Variants in PRR16 observed in about 807,000 individuals in gnomAD.
The protein encoded by PRR16 is protein Largen.
A neutral mutation model predicts 18.2 loss-of-function variants in PRR16; 6 were observed. The ratio of observed to expected loss-of-function variants is 0.33; its 90% confidence interval spans 0.18 to 0.65. The LOEUF (loss-of-function observed/expected upper bound fraction) is 0.65. Ranked by LOEUF, PRR16 falls within the 30% of genes least tolerant of loss-of-function variation. The pLI is 0.74. For missense variants in PRR16, 412 were observed against 376.6 expected (o/e 1.09, Z -0.78); for synonymous variants, 151 against 147.8 (o/e 1.02, Z -0.16).
chr5:120,783,320 A>G, the PRR16 span, among the ~76,000 whole-genome samples: 28 of 152,306 alleles, frequency 1.8e-4, no homozygotes, highest in African/African-American at 6.7e-4. Context: ...AATGAAGTGC[A>G]CCCATAAATG....
At chr5:120,744,402 G>T in the PRR16 span, among the ~76,000 whole-genome samples, 2 of 152,298 alleles carry the variant, frequency 1.3e-5, no homozygotes, top group African/African-American at 4.8e-5. Flanking sequence ...GTTGGAAGGG[G>T]ATTGGGGAAG....
the PRR16 span, among the ~76,000 whole-genome samples, chr5:120,723,020 A>T: frequency 6.6e-6 from 1 of 151,754 alleles, no homozygotes; most frequent in Admixed American, 6.6e-5. Flanking sequence ...AAATATTAAA[A>T]TTTTTTAATG....
intron 1 of PRR16, among the ~76,000 whole-genome samples, chr5:120,484,594 A>C (rs1749730260): frequency 6.8e-6 from 1 of 146,076 alleles, no homozygotes; most frequent in South Asian, 2.1e-4. Flanking sequence ...TATAGTATAT[A>C]ATATATAATA....
intron 1 of PRR16, among the ~76,000 whole-genome samples, chr5:120,564,158 C>T (rs1168993616): frequency 1.3e-5 from 2 of 152,156 alleles, no homozygotes; most frequent in Non-Finnish European, 2.9e-5. Flanking sequence ...CTTTGCTCTC[C>T]TCTTAAGCAG....
intron 1 of PRR16, among the ~76,000 whole-genome samples, chr5:120,534,189 T>A (rs1336830920): frequency 1.3e-5 from 2 of 152,168 alleles, no homozygotes; most frequent in Non-Finnish European, 2.9e-5. Context: ...CATTGGCAAA[T>A]GGATACTCTT....
At chr5:120,789,633 G>T in the PRR16 span, among the ~76,000 whole-genome samples, 4 of 151,980 alleles carry the variant, frequency 2.6e-5, no homozygotes, top group African/African-American at 7.2e-5. Context: ...ACTATTTTGA[G>T]AACTTATTAT....
chr5:120,705,856 A>G, the PRR16 span, among the ~76,000 whole-genome samples: 1 of 152,152 alleles, frequency 6.6e-6, no homozygotes. Context: ...TGTGGATAGA[A>G]AAAAAATTGT....
the PRR16 span, among the ~76,000 whole-genome samples, chr5:120,775,065 TA>T: frequency 1.3e-5 from 2 of 152,164 alleles, no homozygotes; most frequent in African/African-American, 4.8e-5. Context: ...CTTACTAAAA[TA>T]AAGTTTAAAG....
chr5:120,728,697 C>T, the PRR16 span, among the ~76,000 whole-genome samples: 2 of 152,156 alleles, frequency 1.3e-5, no homozygotes, highest in Admixed American at 6.6e-5. Flanking sequence ...AGCTGGATGG[C>T]GTGCTTTTCT....
chr5:120,558,903 A>C (rs1403031197), intron 1 of PRR16, among the ~76,000 whole-genome samples: 1 of 152,008 alleles, frequency 6.6e-6, no homozygotes, highest in Non-Finnish European at 1.5e-5. Flanking sequence ...AGTGATGTTG[A>C]ACACCTTTTC....
At chr5:120,590,942 T>C (rs1753613907) in intron 1 of PRR16, among the ~76,000 whole-genome samples, 1 of 152,092 alleles carries the variant, frequency 6.6e-6, no homozygotes. Context: ...TTAGATTTGA[T>C]CTTATAGTAT....
the PRR16 span, among the ~76,000 whole-genome samples, chr5:120,703,094 T>C: frequency 1.3e-4 from 20 of 152,034 alleles, no homozygotes; most frequent in African/African-American, 4.8e-4. Flanking sequence ...GGCCATTTTA[T>C]AGGATTTGGG....
intron 1 of PRR16, among the ~76,000 whole-genome samples, chr5:120,544,025 C>T (rs1012860497): frequency 1.3e-5 from 2 of 152,132 alleles, no homozygotes; most frequent in African/African-American, 4.8e-5. Flanking sequence ...ATAATCTAGG[C>T]TAAATCATGG....
intron 1 of PRR16, among the ~76,000 whole-genome samples, chr5:120,573,903 G>GTATATA (rs5870899): frequency 6.7e-6 from 1 of 150,356 alleles, no homozygotes; most frequent in Non-Finnish European, 1.5e-5. Context: ...TGATATGTGT[G>GTATATA]TATATATATA....
chr5:120,659,428 C>T (rs1034199645), intron 1 of PRR16, among the ~76,000 whole-genome samples: 3 of 151,736 alleles, frequency 2.0e-5, no homozygotes, highest in Non-Finnish European at 4.4e-5. Context: ...ATAGACCTAC[C>T]CACTGAATAT....
chr5:120,716,308 G>A, the PRR16 span, among the ~76,000 whole-genome samples: 8 of 152,018 alleles, frequency 5.3e-5, no homozygotes, highest in African/African-American at 1.4e-4. Context: ...CTTGTTCTTC[G>A]AATCAAGTGA....
chr5:120,771,769 C>T, the PRR16 span, among the ~76,000 whole-genome samples: 1 of 151,822 alleles, frequency 6.6e-6, no homozygotes, highest in East Asian at 1.9e-4. Context: ...AATCCTATGT[C>T]CAAGATATTT....
chr5:120,696,038 C>G, the PRR16 span, among the ~76,000 whole-genome samples: 1 of 151,812 alleles, frequency 6.6e-6, no homozygotes, highest in Non-Finnish European at 1.5e-5. Context: ...GTCAGGAGCT[C>G]GAGACCAGCC....
At chr5:120,717,657 A>G in the PRR16 span, among the ~76,000 whole-genome samples, 1 of 152,162 alleles carries the variant, frequency 6.6e-6, no homozygotes, top group African/African-American at 2.4e-5. Context: ...AAAAGGAAAA[A>G]GGCCCAATCT....
Sources: gnomAD v4.1 joint callset for allele counts (sites outside exome capture counted in the v4.1 genomes callset) on GRCh38, gnomAD v4.1.1 for gene constraint, MANE v1.5 for transcripts, NCBI Gene and HGNC (gene_info 2026-07-23, HGNC 2026-07-21) for gene names.